Variants in PTPRD observed in about 807,000 individuals in gnomAD.
PTPRD encodes receptor-type tyrosine-protein phosphatase delta.
PTPRD carries 34 observed loss-of-function variants against 214.5 expected under a neutral mutation model. The observed-to-expected ratio is 0.16, with a 90% CI of 0.12 to 0.21. The LOEUF is 0.21. PTPRD is among the 10% of genes least tolerant of loss of function. The pLI is 1.00. For missense variants in PTPRD, 2,545 were observed against 2,398.7 expected (o/e 1.06, Z -1.27); for synonymous variants, 1,128 against 845.7 (o/e 1.33, Z -5.79).
At chr9:9,094,914 C>A (rs1484733223) in intron 10 of PTPRD, among the ~76,000 whole-genome samples, 3 of 152,036 alleles carry the variant, frequency 2.0e-5, no homozygotes, top group Non-Finnish European at 4.4e-5. Flanking sequence ...ATCATAGATG[C>A]ACAAATTCTC....
chr9:9,726,850 A>T (rs6477414), intron 7 of PTPRD, among the ~76,000 whole-genome samples: 88,478 of 152,002 alleles, frequency 0.58, 28,217 homozygotes, highest in African/African-American at 0.83. Context: ...GTGTCAGCTG[A>T]AAATTGTAGA....
chr9:10,225,339 G>A (rs537171347), intron 3 of PTPRD, among the ~76,000 whole-genome samples: 30 of 152,072 alleles, frequency 2.0e-4, no homozygotes, highest in African/African-American at 6.5e-4. Flanking sequence ...GCTATACACC[G>A]TAATTTGTTT....
chr9:8,998,482 C>T (rs1319170563), intron 11 of PTPRD, among the ~76,000 whole-genome samples: 2 of 151,960 alleles, frequency 1.3e-5, no homozygotes, highest in Non-Finnish European at 2.9e-5. Context: ...TTGTTGAGAC[C>T]TACTGCTTAG....
chr9:8,349,763 A>G (rs1407923903), intron 39 of PTPRD, among the ~76,000 whole-genome samples: 1 of 152,166 alleles, frequency 6.6e-6, no homozygotes, highest in African/African-American at 2.4e-5. Flanking sequence ...GCAAAAAGAG[A>G]ACGGCAAGTT....
chr9:10,314,795 G>A (rs2096377269), intron 3 of PTPRD, among the ~76,000 whole-genome samples: 1 of 151,914 alleles, frequency 6.6e-6, no homozygotes, highest in South Asian at 2.1e-4. Flanking sequence ...TTGAATGAAT[G>A]GTTGAGGCAG....
intron 5 of PTPRD, among the ~76,000 whole-genome samples, chr9:9,767,107 TTAAAA>T (rs1451549873): frequency 2.0e-5 from 3 of 151,864 alleles, no homozygotes; most frequent in South Asian, 2.1e-4. Flanking sequence ...CCTTTATGTC[TTAAAA>T]TAAACTTTCC....
intron 43 of PTPRD, among the ~76,000 whole-genome samples, chr9:8,336,145 A>C (rs1194400080): frequency 6.7e-6 from 1 of 149,094 alleles, no homozygotes; most frequent in East Asian, 2.0e-4. Flanking sequence ...GAGCCCACAA[A>C]GCCAAGACAA....
Position 9,802,695 on chromosome 9 carries a change from C to T in PTPRD, c.-367-35844G>A, listed in dbSNP as rs1272185788. Among the ~76,000 whole-genome samples the T allele has an allele frequency of 2.0e-5, 3 of 151,704 alleles. No individual in the cohort carries two copies. In the East Asian group the frequency reaches 5.8e-4, roughly 29 times the overall value. Reference sequence around the variant, plus strand: ...TCCATACCCAGTATCCAGAATAGGACCTAGCTTATAGTTGGAGCTCAATAA... The same window carrying T: ...TCCATACCCAGTATCCAGAATAGGATCTAGCTTATAGTTGGAGCTCAATAA... On this transcript the variant is annotated intron_variant, in intron 5 of 45. Transcript: ENST00000381196.
chr9:10,208,934 T>C (rs752875956), intron 3 of PTPRD, among the ~76,000 whole-genome samples: 15 of 152,100 alleles, frequency 9.9e-5, no homozygotes, highest in Non-Finnish European at 1.8e-4. Context: ...ACAGACACCT[T>C]AAGGAGTAGA....
intron 7 of PTPRD, among the ~76,000 whole-genome samples, chr9:9,663,474 C>G (rs953744412): frequency 2.0e-5 from 3 of 151,380 alleles, no homozygotes; most frequent in Non-Finnish European, 1.5e-5. Flanking sequence ...AAAAAATTAT[C>G]CACTTCACTT....
At chr9:9,973,109 G>C (rs890975746) in intron 4 of PTPRD, among the ~76,000 whole-genome samples, 3 of 151,934 alleles carry the variant, frequency 2.0e-5, no homozygotes, top group Non-Finnish European at 2.9e-5. Context: ...GAAGGGAATA[G>C]TCATTTCTCT....
chr9:9,553,696 T>C (rs1260819915), intron 8 of PTPRD, among the ~76,000 whole-genome samples: 1 of 151,976 alleles, frequency 6.6e-6, no homozygotes, highest in Non-Finnish European at 1.5e-5. Context: ...TTGTTGACAA[T>C]AAGGGACTTC....
chr9:10,540,372 C>T (rs1051175934), intron 2 of PTPRD, among the ~76,000 whole-genome samples: 1 of 152,160 alleles, frequency 6.6e-6, no homozygotes, highest in Non-Finnish European at 1.5e-5. Flanking sequence ...GTCAGAAATT[C>T]TGGGTTATCA....
chr9:10,385,718 G>A (rs2097902436), intron 2 of PTPRD, among the ~76,000 whole-genome samples: 1 of 151,754 alleles, frequency 6.6e-6, no homozygotes, highest in East Asian at 2.0e-4. Context: ...ATCATAAATG[G>A]CAAATTGCAA....
chr9:8,978,824 G>C (rs2099286036), intron 11 of PTPRD, among the ~76,000 whole-genome samples: 1 of 152,150 alleles, frequency 6.6e-6, no homozygotes, highest in African/African-American at 2.4e-5. Flanking sequence ...CCTGATTTTA[G>C]AGAAGCAAAA....
At chr9:8,992,967 C>G (rs775691247) in intron 11 of PTPRD, among the ~76,000 whole-genome samples, 1 of 152,132 alleles carries the variant, frequency 6.6e-6, no homozygotes, top group Admixed American at 6.6e-5. Context: ...ACAACACACT[C>G]TATAAGATTA....
intron 8 of PTPRD, among the ~76,000 whole-genome samples, chr9:9,485,689 C>T (rs1391860088): frequency 6.6e-6 from 1 of 152,142 alleles, no homozygotes; most frequent in Non-Finnish European, 1.5e-5. Context: ...CTTTCCTCTT[C>T]TAAAGTATTG....
chr9:8,607,215 C>T (rs1329297598), intron 14 of PTPRD, among the ~76,000 whole-genome samples: 2 of 152,116 alleles, frequency 1.3e-5, no homozygotes, highest in African/African-American at 4.8e-5. Flanking sequence ...TGAGTTAATG[C>T]ATATGTAAAT....
intron 2 of PTPRD, among the ~76,000 whole-genome samples, chr9:10,519,955 A>C (rs528916062): frequency 6.6e-6 from 1 of 152,202 alleles, no homozygotes; most frequent in African/African-American, 2.4e-5. Context: ...ACATTAGCCT[A>C]ATTACCAAAA....
Sources: allele counts gnomAD v4.1 joint callset (sites outside exome capture counted in the v4.1 genomes callset), GRCh38; gene constraint gnomAD v4.1.1; transcripts MANE v1.5; gene names NCBI Gene and HGNC (gene_info 2026-07-23, HGNC 2026-07-21).